Variants in KDM5B observed in about 807,000 individuals in gnomAD.
KDM5B encodes lysine-specific demethylase 5B.
KDM5B carries 144 observed loss-of-function variants against 193.4 expected under a neutral mutation model. The ratio of observed to expected loss-of-function variants is 0.74; its 90% confidence interval spans 0.65 to 0.86. KDM5B has a LOEUF of 0.86. Ranked by LOEUF, KDM5B falls within the 40% of genes least tolerant of loss-of-function variation. KDM5B has a pLI of 0.00. For synonymous variants in KDM5B, 668 were observed against 682.6 expected (o/e 0.98, Z 0.33); for missense variants, 1,833 against 1,886.9 (o/e 0.97, Z 0.53).
intron 5 of KDM5B, among the ~76,000 whole-genome samples, chr1:202,765,923 T>C (rs1389500305): frequency 1.3e-5 from 2 of 152,208 alleles, no homozygotes; most frequent in Non-Finnish European, 2.9e-5. Context: ...ACCTCTGGTA[T>C]GGGAACGAGA....
chr1:202,767,503 A>G (rs1029488663), intron 4 of KDM5B: 3 of 751,922 alleles, frequency 4.0e-6, no homozygotes, highest in African/African-American at 3.5e-5. Context: ...TTTTTTCACG[A>G]CCTTGTTCCC....
At position 202,731,002 on chromosome 1, in the gene KDM5B, AG is replaced by A; in HGVS notation, c.4082del (p.Pro1361LeufsTer26). The A allele has an allele frequency of 6.2e-7, 1 of 1,613,830 alleles. No homozygotes were observed. The highest frequency in any genetic ancestry group is 8.5e-7 in the Non-Finnish European group (1 of 1,179,804). ...AAGTCTGGTAAAGTTCCTGAATTTCAGGAAGGGATACCTGGAGCAGCTGGGC... is the reference window on the plus strand; with the variant it reads ...AAGTCTGGTAAAGTTCCTGAATTTCAGAAGGGATACCTGGAGCAGCTGGGC... Reference protein sequence around the residue: ...MEAQLLQVSLPEIQELYQTLL... With the variant: ...MEAQLLQVSLXEIQELYQTLL... On this transcript the variant is annotated frameshift_variant, in exon 25 of 27. Coordinates refer to ENST00000367265, the MANE Select transcript of KDM5B (RefSeq NM_006618.5). LOFTEE classifies it high-confidence loss of function.
intron 26 of KDM5B, 65 bp downstream of exon 26, chr1:202,729,642 G>A: frequency 1.4e-6 from 2 of 1,394,962 alleles, no homozygotes; most frequent in Non-Finnish European, 2.0e-6. Flanking sequence ...AGCGAGATGA[G>A]GTCTAGCTTA....
At chr1:202,735,697 T>A in intron 21 of KDM5B, 110 bp from the exon 22 acceptor site, 1 of 999,742 alleles carries the variant, frequency 1.0e-6, no homozygotes, top group South Asian at 1.6e-5. Flanking sequence ...CATTTCTTAG[T>A]ATTGAAGATT....
At chr1:202,803,266 A>G (rs1032542287) in intron 1 of KDM5B, among the ~76,000 whole-genome samples, 1 of 152,242 alleles carries the variant, frequency 6.6e-6, no homozygotes, top group Non-Finnish European at 1.5e-5. Flanking sequence ...TTGCATGTTT[A>G]AAACCATACC....
At chr1:202,755,978 C>CA (rs34507234) in intron 10 of KDM5B, among the ~76,000 whole-genome samples, 4,761 of 128,576 alleles carry the variant, frequency 0.037, 95 homozygotes, top group South Asian at 0.051. Flanking sequence ...AGAAAACTAC[C>CA]AAAAAAAAAA....
chr1:202,799,096 A>C (rs1362727691), intron 1 of KDM5B, among the ~76,000 whole-genome samples: 2 of 152,170 alleles, frequency 1.3e-5, no homozygotes, highest in African/African-American at 4.8e-5. Flanking sequence ...TGTCTCACTA[A>C]ATCTGTCCCC....
At chr1:202,742,899 T>C in intron 16 of KDM5B, 94 bp from the exon 17 acceptor site, 1 of 1,010,758 alleles carries the variant, frequency 9.9e-7, no homozygotes, top group African/African-American at 1.6e-5. Flanking sequence ...TCAGTTCTTG[T>C]CTAGAAATGT....
chr1:202,770,442 T>G (rs1213581762), intron 4 of KDM5B, among the ~76,000 whole-genome samples: 1 of 152,210 alleles, frequency 6.6e-6, no homozygotes, highest in Non-Finnish European at 1.5e-5. Context: ...CTGTTTTTCT[T>G]AAGTATATGT....
chr1:202,785,267 A>G (rs183378966), intron 1 of KDM5B, among the ~76,000 whole-genome samples: 1 of 152,312 alleles, frequency 6.6e-6, no homozygotes, highest in Non-Finnish European at 1.5e-5. Context: ...TGTAACTGTC[A>G]ACTAGCACAT....
chr1:202,806,122 T>G (rs1387639117), intron 1 of KDM5B, among the ~76,000 whole-genome samples: 1 of 152,132 alleles, frequency 6.6e-6, no homozygotes, highest in East Asian at 1.9e-4. Flanking sequence ...AGGAAATGGG[T>G]AGCCAAGCCT....
In KDM5B at chr1:202,725,033, A is replaced by AATGC. The variant is rs1654627018; in HGVS notation, c.*4002_*4003insGCAT. ...GCCTCCACTCACCTGGAACAGGTCA[A>AATGC]ATGACCTCACCATTCCATTCCTCTA... On this transcript the variant is annotated 3_prime_UTR_variant, in exon 27 of 27. Transcript: ENST00000367265. 1 of 152,226 alleles carries AATGC rather than the reference A, an allele frequency of 6.6e-6. No homozygotes were observed. Among genetic ancestry groups the AATGC allele is most frequent in the Non-Finnish European group, 1.5e-5 (1 of 68,040 alleles). 9.4% of individuals were successfully genotyped at this position (152,226 alleles called of 1,614,324 possible).
intron 4 of KDM5B, among the ~76,000 whole-genome samples, chr1:202,769,138 G>A (rs534320084): frequency 6.7e-5 from 10 of 148,338 alleles, no homozygotes; most frequent in East Asian, 2.0e-4. Context: ...CTGGGTTCAC[G>A]CCATTCTCCT....
intron 1 of KDM5B, chr1:202,807,388 C>T (rs1000049378): frequency 3.3e-5 from 5 of 151,792 alleles, no homozygotes; most frequent in Non-Finnish European, 1.5e-5. Context: ...ACACTAACGC[C>T]CCCCACAAAC....
chr1:202,766,352 C>T (rs938078437), intron 5 of KDM5B: 1 of 309,376 alleles, frequency 3.2e-6, no homozygotes, highest in Non-Finnish European at 6.3e-6. Context: ...AAAATACAAA[C>T]CAAATTAGCC....
At position 202,735,403 on chromosome 1, in the gene KDM5B, AAGG is replaced by A. The variant is rs748362538; in HGVS notation, c.3423+23_3423+25del. The A allele has an allele frequency of 1.9e-6, 3 of 1,594,884 alleles. No homozygotes were observed. The South Asian group carries it at 3.4e-5, about 18-fold the overall frequency. On this transcript the variant is annotated intron_variant, in intron 22 of 26. Coordinates refer to ENST00000367265, the MANE Select transcript of KDM5B (RefSeq NM_006618.5). ...AAATTATTCTTCCCAATAACATAGA[AAGG>A]AGAAGAAAAAAACCCTACATACAGC...
intron 22 of KDM5B, among the ~76,000 whole-genome samples, chr1:202,734,768 A>C (rs765509108): frequency 1.3e-4 from 20 of 152,266 alleles, no homozygotes; most frequent in Non-Finnish European, 1.3e-4. Context: ...ACCCATGTCT[A>C]TCACAAGAGG....
chr1:202,779,561 T>C (rs2102308939), intron 1 of KDM5B, among the ~76,000 whole-genome samples: 1 of 151,446 alleles, frequency 6.6e-6, no homozygotes, highest in East Asian at 2.0e-4. Context: ...ATCCCAGCAC[T>C]CTGGGAGTCC....
chr1:202,790,783 C>A (rs1657614663), intron 1 of KDM5B, among the ~76,000 whole-genome samples: 1 of 151,854 alleles, frequency 6.6e-6, no homozygotes, highest in East Asian at 1.9e-4. Context: ...AACCTACACC[C>A]TAGGCCCCTT....
Sources: allele counts gnomAD v4.1 joint callset (sites outside exome capture counted in the v4.1 genomes callset), GRCh38; gene constraint gnomAD v4.1.1; transcripts MANE v1.5; gene names NCBI Gene and HGNC (gene_info 2026-07-23, HGNC 2026-07-21).